The following CEP170B variants were observed in gnomAD, a reference collection of about 807,000 sequenced individuals.
The protein encoded by CEP170B is centrosomal protein of 170 kDa protein B.
In CEP170B, 55 loss-of-function variants were observed where a neutral mutation model predicts 120.6. The observed-to-expected ratio is 0.46, with a 90% CI of 0.37 to 0.57. The LOEUF (loss-of-function observed/expected upper bound fraction) is 0.57, where lower values mean the gene tolerates loss of function less well. CEP170B is among the 20% of genes least tolerant of loss of function. The pLI is 0.00. For synonymous variants in CEP170B, 1,033 were observed against 954.5 expected, an observed-to-expected ratio of 1.08 and a Z score of -1.52; for missense variants, 2,212 against 2,253.3, an observed-to-expected ratio of 0.98 and a Z score of 0.37.
rs1218810725 is a variant in CEP170B, at chr14:104,896,416, G to A, written c.*1458G>A. The A allele has an allele frequency of 2.4e-5, 9 of 367,712 alleles. No individual in the cohort carries two copies. The highest frequency in any genetic ancestry group is 4.4e-5 in the Non-Finnish European group (8 of 183,628). The allele number at this position is 367,712 out of a possible 1,614,324, so 22.8% of individuals were successfully genotyped here. On this transcript the variant is annotated 3_prime_UTR_variant, in exon 19 of 19. Coordinates refer to ENST00000414716, the MANE Select transcript of CEP170B (RefSeq NM_001112726.3). ...GGAGGAGGTGCTAGCCCGGTCCACC[G>A]GGCTGCTGCCCACCCCTGCATGCCC...
rs1161912639 is a variant in CEP170B, at chr14:104,887,182, A to G, written c.2943A>G (p.Ala981=). ...CCACAACCCCCCAGCCTCTGCGGGC[A>G]CAGAAGGAGATGTCGCCATCCCCGC... ...PSPTTPQPLR[A]QKEMSPSPPA... Residue 981 remains alanine, a synonymous_variant, in exon 12 of 19, where the codon GCA becomes GCG. Transcript: ENST00000414716. 1.9e-6 allele frequency: 3 copies of G among 1,607,108 alleles called. No individual in the cohort carries two copies. Among genetic ancestry groups the G allele is most frequent in the Admixed American group, 1.7e-5 (1 of 59,992 alleles).
At chr14:104,875,903 C>G (rs1487513902) in intron 2 of CEP170B, among the ~76,000 whole-genome samples, 1 of 152,182 alleles carries the variant, frequency 6.6e-6, no homozygotes, top group Admixed American at 6.5e-5. Context: ...GGGAGGGCTC[C>G]CTGAGACAAG....
At chr14:104,889,349 G>T (rs1896674593) in intron 12 of CEP170B, among the ~76,000 whole-genome samples, 1 of 152,108 alleles carries the variant, frequency 6.6e-6, no homozygotes. Flanking sequence ...CTGGAGCTCA[G>T]CAGCTGTTGA....
rs1040449250 is a variant in CEP170B, at chr14:104,887,785, G to A, written c.3546G>A (p.Gly1182=). 4 of 1,586,716 alleles carry A rather than the reference G, an allele frequency of 2.5e-6. No homozygotes were observed. The highest frequency in any genetic ancestry group is 4.6e-5 in the East Asian group (2 of 43,864). ...GGAAGCGGGCCGGCTCCTTCACAGG[G>A]ACTAGTGACCCCGAGGCAGCCCCTG... The part of the protein sequence containing the change: ...MPRKRAGSFT[G]TSDPEAAPAR... The change falls in exon 12 of 19, where the codon GGG becomes GGA. Residue 1182 remains glycine, a synonymous_variant. Coordinates refer to ENST00000414716, the MANE Select transcript of CEP170B (RefSeq NM_001112726.3).
At chr14:104,873,849 G>A (rs959988525) in intron 2 of CEP170B, among the ~76,000 whole-genome samples, 4 of 152,132 alleles carry the variant, frequency 2.6e-5, no homozygotes, top group African/African-American at 7.2e-5. Flanking sequence ...GGGAGGGCCC[G>A]AGCCCGGCCC....
At position 104,896,425 on chromosome 14, in the gene CEP170B, C is replaced by G. The variant is rs1413492650; in HGVS notation, c.*1467C>G. ...GCTAGCCCGGTCCACCGGGCTGCTG[C>G]CCACCCCTGCATGCCCCAGTTGCCC... is the stretch of plus-strand genomic sequence containing the variant. On this transcript the variant is annotated 3_prime_UTR_variant, in exon 19 of 19. Transcript: ENST00000414716. 16 of 375,522 alleles carry G rather than the reference C, an allele frequency of 4.3e-5. No homozygotes were observed. 23.3% of individuals were successfully genotyped at this position (375,522 alleles called of 1,614,324 possible).
chr14:104,873,248 C>CG (rs1169256922), intron 2 of CEP170B, among the ~76,000 whole-genome samples: 2 of 75,128 alleles, frequency 2.7e-5, no homozygotes, highest in South Asian at 5.3e-4. Flanking sequence ...CAGGGTCCTG[C>CG]GGGGGGACTC....
At chr14:104,881,456 G>A (rs1239345496) in intron 6 of CEP170B, among the ~76,000 whole-genome samples, 2 of 152,228 alleles carry the variant, frequency 1.3e-5, no homozygotes, top group African/African-American at 4.8e-5. Context: ...ACACATCTGT[G>A]TTGTACAGCC....
chr14:104,888,282 A>G (rs1595352869), intron 12 of CEP170B, among the ~76,000 whole-genome samples: 1 of 151,810 alleles, frequency 6.6e-6, no homozygotes, highest in South Asian at 2.1e-4. Context: ...GGCCCTCCCC[A>G]CTCTTCCTGT....
intron 13 of CEP170B, 144 bp from the exon 14 acceptor site, chr14:104,892,832 G>C (rs1896910029): frequency 1.1e-6 from 1 of 896,630 alleles, no homozygotes; most frequent in African/African-American, 1.7e-5. Context: ...GCCGGTGTTT[G>C]GGGCCAGGCT....
At position 104,887,928 on chromosome 14, in the gene CEP170B, C is replaced by G. The variant is rs1176461190; in HGVS notation, c.3689C>G (p.Pro1230Arg). 6.5e-7 allele frequency: 1 copy of G among 1,545,166 alleles called. No individual in the cohort carries two copies. The highest frequency in any genetic ancestry group is 1.4e-5 in the African/African-American group (1 of 73,552). ...GCCAACACAGCCACCACCACGGGTC[C>G]CCGCCAGCCCTTCAGCAGGGCCCGC... ...KAANTATTTG[P>R]RQPFSRARSG... The change falls in exon 12 of 19, where the codon CCC (proline) becomes CGC (arginine). Residue 1230 changes from proline (P) to arginine (R), a missense_variant. Physicochemically the swap from Pro to Arg is moderately radical, Grantham distance 103 (BLOSUM62 -2). This residue lies in a region of CEP170B where 2,166 missense variants were observed against 2,166.7 expected (regional missense o/e 1.00). Coordinates refer to ENST00000414716, the MANE Select transcript of CEP170B (RefSeq NM_001112726.3).
Position 104,889,701 on chromosome 14 carries a change from A to G in CEP170B, c.3821A>G (p.Glu1274Gly). ...PGPRDTDDDE[E>G]EPDPYGFIVQ... Reference sequence around the variant, plus strand: ...CCCCGGGACACGGACGACGATGAGGAGGAGCCTGACCCTTATGGTTTCATC... The same window carrying G: ...CCCCGGGACACGGACGACGATGAGGGGGAGCCTGACCCTTATGGTTTCATC... Residue 1274 changes from glutamate to glycine, a missense_variant, in exon 13 of 19, where the codon GAG becomes GGG. Physicochemically the swap from Glu to Gly is moderately conservative, Grantham distance 98. Around this residue, in one of 2 missense-constraint regions of CEP170B, gnomAD observed 2,166 missense variants for 2,166.7 expected, o/e 1.00. Coordinates refer to ENST00000414716, the MANE Select transcript of CEP170B (RefSeq NM_001112726.3). 2 of 1,612,016 alleles carry G rather than the reference A, an allele frequency of 1.2e-6. No homozygotes were observed. Among genetic ancestry groups the G allele is most frequent in the Non-Finnish European group, 1.7e-6 (2 of 1,179,618 alleles).
At chr14:104,881,948 C>A (rs569357517) in intron 6 of CEP170B, among the ~76,000 whole-genome samples, 1 of 152,106 alleles carries the variant, frequency 6.6e-6, no homozygotes, top group Non-Finnish European at 1.5e-5. Context: ...ACCCTCTGGC[C>A]CCCCAGCAGT....
At position 104,865,710 on chromosome 14, in the gene CEP170B, G is replaced by A. The variant is rs1483601860; in HGVS notation, c.-28+197G>A. 6.6e-6 allele frequency among the ~76,000 whole-genome samples: 1 copy of A among 151,852 alleles called. No homozygotes were observed. The highest frequency in any genetic ancestry group is 2.4e-5 in the African/African-American group (1 of 41,384). On this transcript the variant is annotated intron_variant, in intron 1 of 18. Coordinates refer to ENST00000414716, the MANE Select transcript of CEP170B (RefSeq NM_001112726.3). This position sits in a 1 kb window ranked among gnomAD's most constrained non-coding sequence, Gnocchi z 6.7. ...GCCCTGGTCTGCGCCAGGCCGGGAG[G>A]AGCCGCCCCGTTTCTACGCGGCCTG... is the stretch of plus-strand genomic sequence containing the variant.
chr14:104,889,410 G>GCCCTGCAGCACTGAGCC, intron 12 of CEP170B: 1 of 1,310,344 alleles, frequency 7.6e-7, no homozygotes, highest in South Asian at 1.6e-5. Context: ...ACGCTGCCCA[G>GCCCTGCAGCACTGAGCC]CCCTGCAGCA....
rs1296625890 is a variant in CEP170B, at chr14:104,868,100, C to T, written c.-27-324C>T. ...GTGGGGTCACTTACAGGCAGTGCAG[C>T]CAGTGTCCCCATGAACTTCAACCCC... On this transcript the variant is annotated intron_variant, in intron 1 of 18. Transcript: ENST00000414716. The surrounding 1 kb of genome is among the most constrained non-coding windows in gnomAD (Gnocchi z 5.9). Among the ~76,000 whole-genome samples, 1 of 152,114 alleles carries T rather than the reference C, an allele frequency of 6.6e-6. No individual in the cohort carries two copies. The highest frequency in any genetic ancestry group is 1.5e-5 in the Non-Finnish European group (1 of 68,008).
rs1348920257 is a variant in CEP170B at position 104,896,167 on chromosome 14, C to T, written c.*1209C>T. The stretch of plus-strand genomic sequence containing the variant: ...CCCTGCCTGGCAATGGTATGAGAGT[C>T]GGACCTGGACAGGGCCAGCTGCTGG... On this transcript the variant is annotated 3_prime_UTR_variant, in exon 19 of 19. Coordinates refer to ENST00000414716, the MANE Select transcript of CEP170B (RefSeq NM_001112726.3). 5.3e-5 allele frequency: 10 copies of T among 187,902 alleles called. No individual in the cohort carries two copies. Among genetic ancestry groups the T allele is most frequent in the East Asian group, 1.5e-4 (1 of 6,870 alleles). 11.6% of individuals were successfully genotyped at this position (187,902 alleles called of 1,614,324 possible).
At position 104,886,354 on chromosome 14, in the gene CEP170B, C is replaced by T; in HGVS notation, c.2115C>T (p.Pro705=). Residue 705 remains proline, a synonymous_variant, in exon 12 of 19, where the codon CCC becomes CCT. Transcript: ENST00000414716. ...TGCGGCGACGGCTCCCTCAGCTGCC[C>T]AGTGAGAGGGCTGACAGCCCTGCGG... ...VRMRRRLPQL[P]SERADSPAGP... 3 of 1,573,990 alleles carry T rather than the reference C, an allele frequency of 1.9e-6. No homozygotes were observed. The highest frequency in any genetic ancestry group is 2.6e-6 in the Non-Finnish European group (3 of 1,162,310).
At position 104,886,772 on chromosome 14, in the gene CEP170B, G is replaced by A; in HGVS notation, c.2533G>A (p.Val845Ile). The change falls in exon 12 of 19, where the codon GTC (valine) becomes ATC (isoleucine). Residue 845 changes from valine (V) to isoleucine (I), a missense_variant. By Grantham distance (29) the Val-to-Ile change is conservative. Transcript: ENST00000414716. ...GVYVSANGRM[V>I]IQLRPGRSPE... ...CTATGTCAGTGCCAATGGGAGAATG[G>A]TCATCCAGCTACGGCCTGGACGGTC... The A allele has an allele frequency of 6.2e-7, 1 of 1,611,818 alleles. No homozygotes were observed. The highest frequency in any genetic ancestry group is 8.5e-7 in the Non-Finnish European group (1 of 1,179,754).
Sources: allele counts gnomAD v4.1 joint callset (sites outside exome capture counted in the v4.1 genomes callset), GRCh38; gene constraint gnomAD v4.1.1; regional missense constraint gnomAD v4.1.1; non-coding constraint Gnocchi (gnomAD v3.1); transcripts MANE v1.5; gene names NCBI Gene and HGNC (gene_info 2026-07-23, HGNC 2026-07-21).